The following HTR7 variants were observed in gnomAD, a reference collection of about 807,000 sequenced individuals.
HTR7 encodes 5-hydroxytryptamine receptor 7, also known as 5-HT-7.
In HTR7, 16 loss-of-function variants were observed where a neutral mutation model predicts 34.0. The observed-to-expected ratio is 0.47, with a 90% CI of 0.32 to 0.71. HTR7 has a LOEUF of 0.71. HTR7 is among the 30% of genes least tolerant of loss of function. HTR7 has a pLI of 0.04. For synonymous variants in HTR7, 265 were observed against 260.2 expected, an observed-to-expected ratio of 1.02 and a Z score of -0.18; for missense variants, 504 against 625.5, an observed-to-expected ratio of 0.81 and a Z score of 2.07.
intron 2 of HTR7, 106 bp from the exon 3 acceptor site, chr10:90,743,796 A>G: frequency 1.2e-6 from 1 of 850,976 alleles, no homozygotes; most frequent in Non-Finnish European, 2.0e-6. Flanking sequence ...TTATATTACC[A>G]ATCTGTGAAT....
intron 1 of HTR7, among the ~76,000 whole-genome samples, chr10:90,758,045 T>C (rs188467759): frequency 5.3e-5 from 8 of 152,128 alleles, no homozygotes; most frequent in East Asian, 1.9e-4. Flanking sequence ...GAGCTGAGAA[T>C]AGAAACAGAC....
At chr10:90,759,079 C>T (rs539490445) in intron 1 of HTR7, among the ~76,000 whole-genome samples, 1 of 150,760 alleles carries the variant, frequency 6.6e-6, no homozygotes, top group Admixed American at 6.6e-5. Flanking sequence ...CCCAGCTACT[C>T]GGGAGGCTGA....
intron 1 of HTR7, among the ~76,000 whole-genome samples, chr10:90,771,989 T>C (rs1402430004): frequency 1.3e-5 from 2 of 152,206 alleles, no homozygotes; most frequent in South Asian, 4.1e-4. Flanking sequence ...AATAACTTTT[T>C]TTTTAGGAAA....
intron 1 of HTR7, among the ~76,000 whole-genome samples, chr10:90,796,347 C>G (rs756037996): frequency 6.6e-6 from 1 of 152,242 alleles, no homozygotes; most frequent in Non-Finnish European, 1.5e-5. Context: ...AACTGTTCCA[C>G]AACACAAATG....
chr10:90,788,243 T>A (rs1168215068), intron 1 of HTR7, among the ~76,000 whole-genome samples: 6 of 152,134 alleles, frequency 3.9e-5, no homozygotes, highest in African/African-American at 1.4e-4. Flanking sequence ...GCTGATCTGA[T>A]AACCCCCCAG....
At position 90,857,251 on chromosome 10, in the gene HTR7, T is replaced by C; in HGVS notation, c.421A>G (p.Thr141Ala). The C allele has an allele frequency of 2.5e-6, 4 of 1,613,566 alleles. No homozygotes were observed. Among genetic ancestry groups the C allele is most frequent in the Non-Finnish European group, 3.4e-6 (4 of 1,179,896 alleles). Residue 141 changes from threonine to alanine, a missense_variant, in exon 1 of 4, where the codon ACC becomes GCC. This residue lies in a region of HTR7 where 154 missense variants were observed against 248.8 expected (regional missense o/e 0.62). Transcript: ENST00000336152. This position sits in a 1 kb window ranked among gnomAD's most constrained non-coding sequence, Gnocchi z 6.5. ...ATCCACTTGCCCCCGATGAGGTCGG[T>C]GACGCTGACGAAGGGCATGACCGCC... ...AVAVMPFVSV[T>A]DLIGGKWIFG...
chr10:90,836,464 A>G (rs1846254240), intron 1 of HTR7, among the ~76,000 whole-genome samples: 1 of 152,190 alleles, frequency 6.6e-6, no homozygotes, highest in Non-Finnish European at 1.5e-5. Context: ...GGGTGTTTAT[A>G]TGAGTCAAGC....
chr10:90,807,054 A>T (rs1845716597), intron 1 of HTR7, among the ~76,000 whole-genome samples: 1 of 152,242 alleles, frequency 6.6e-6, no homozygotes, highest in Non-Finnish European at 1.5e-5. Context: ...CAGCTTCCTA[A>T]AAAACCTTTA....
intron 1 of HTR7, among the ~76,000 whole-genome samples, chr10:90,825,814 G>C (rs932147972): frequency 6.6e-6 from 1 of 151,910 alleles, no homozygotes; most frequent in East Asian, 1.9e-4. Context: ...AGTCAGAGAA[G>C]ACAAAATGAA....
intron 1 of HTR7, among the ~76,000 whole-genome samples, chr10:90,768,461 G>A (rs1845056670): frequency 6.6e-6 from 1 of 151,954 alleles, no homozygotes; most frequent in Admixed American, 6.6e-5. Context: ...CCTCCAATAT[G>A]TATCACTTTT....
intron 1 of HTR7, among the ~76,000 whole-genome samples, chr10:90,844,450 G>T (rs763749268): frequency 6.6e-6 from 1 of 152,040 alleles, no homozygotes; most frequent in African/African-American, 2.4e-5. Flanking sequence ...GTCTGGCCGG[G>T]CGCAGTGGCT....
At chr10:90,835,437 GA>G (rs1335409326) in intron 1 of HTR7, among the ~76,000 whole-genome samples, 2 of 152,140 alleles carry the variant, frequency 1.3e-5, no homozygotes, top group African/African-American at 4.8e-5. Flanking sequence ...ACTTAGGGAA[GA>G]AAAAAACACA....
At chr10:90,777,892 C>T (rs889752627) in intron 1 of HTR7, among the ~76,000 whole-genome samples, 2 of 152,340 alleles carry the variant, frequency 1.3e-5, no homozygotes, top group Admixed American at 6.5e-5. Flanking sequence ...CAAGATGTAA[C>T]AATGCCACTT....
rs550711530 is a variant in HTR7 at position 90,759,603 on chromosome 10, C to T, written c.540-10009G>A. Among the ~76,000 whole-genome samples, 140 of 145,094 alleles carry T rather than the reference C, an allele frequency of 9.6e-4. 1 individual carries two copies. Among genetic ancestry groups the T allele is most frequent in the African/African-American group, 3.4e-3 (133 of 39,356 alleles). On this transcript the variant is annotated intron_variant, in intron 1 of 3. Coordinates refer to ENST00000336152, the MANE Select transcript of HTR7 (RefSeq NM_019859.4). ...CCGGGAAGCGGAGCTTGCAGTGAGC[C>T]GAGATTGCGCCACTGCAGTCCGCAG...
intron 1 of HTR7, among the ~76,000 whole-genome samples, chr10:90,856,486 T>C (rs1846582595): frequency 6.6e-6 from 1 of 152,148 alleles, no homozygotes; most frequent in African/African-American, 2.4e-5. Context: ...CAAGAGAAGG[T>C]TCCCAAGGGC....
At chr10:90,806,638 A>T (rs987241756) in intron 1 of HTR7, among the ~76,000 whole-genome samples, 26 of 151,642 alleles carry the variant, frequency 1.7e-4, no homozygotes, top group East Asian at 5.8e-4. Flanking sequence ...ATAAAAAAAT[A>T]AAAAAAAAGT....
rs573111233 is a variant in HTR7 at position 90,749,759 on chromosome 10, C to T, written c.540-165G>A. 1.1e-4 allele frequency among the ~76,000 whole-genome samples: 17 copies of T among 152,316 alleles called. No homozygotes were observed. The highest frequency in any genetic ancestry group is 4.6e-4 in the Admixed American group (7 of 15,294). ...GGTAAACTAAGGCTCTGAGATGTTA[C>T]CTATTTTATTCCGGGTCACACAGAG... On this transcript the variant is annotated intron_variant, in intron 1 of 3. Transcript: ENST00000336152. The surrounding 1 kb of genome is among the most constrained non-coding windows in gnomAD (Gnocchi z 4.2).
intron 1 of HTR7, among the ~76,000 whole-genome samples, chr10:90,754,193 GTTT>G (rs1344596326): frequency 6.6e-6 from 1 of 152,096 alleles, no homozygotes; most frequent in East Asian, 1.9e-4. Context: ...ATCTTACATT[GTTT>G]TATTTGATTA....
chr10:90,773,192 G>C (rs1484987414), intron 1 of HTR7, among the ~76,000 whole-genome samples: 1 of 152,162 alleles, frequency 6.6e-6, no homozygotes, highest in Admixed American at 6.5e-5. Flanking sequence ...CTCATACATT[G>C]ACAGAGAAGT....
Sources: allele counts gnomAD v4.1 joint callset (sites outside exome capture counted in the v4.1 genomes callset), GRCh38; gene constraint gnomAD v4.1.1; regional missense constraint gnomAD v4.1.1; non-coding constraint Gnocchi (gnomAD v3.1); transcripts MANE v1.5; gene names NCBI Gene and HGNC (gene_info 2026-07-23, HGNC 2026-07-21).